Variants in RBFOX1 observed in about 807,000 individuals in gnomAD.
RBFOX1 encodes RNA binding fox-1 homolog 1, also known as RNA binding protein fox-1 homolog 1.
Under a neutral mutation model 57.7 loss-of-function variants are expected in RBFOX1, and 8 were observed. The ratio of observed to expected loss-of-function variants is 0.14; its 90% CI spans 0.08 to 0.25. The LOEUF (loss-of-function observed/expected upper bound fraction) is 0.25. Ranked by LOEUF, RBFOX1 falls within the 10% of genes least tolerant of loss-of-function variation. The pLI is 1.00. For missense variants in RBFOX1, 611 were observed against 548.5 expected (o/e 1.11, Z -1.14); for synonymous variants, 326 against 222.4 (o/e 1.47, Z -4.15).
chr16:7,326,487 C>T (rs76416533), intron 4 of RBFOX1, among the ~76,000 whole-genome samples: 4 of 151,968 alleles, frequency 2.6e-5, no homozygotes, highest in Non-Finnish European at 5.9e-5. Context: ...ACAGAGCTGC[C>T]ATGATGAGCA....
intron 2 of RBFOX1, among the ~76,000 whole-genome samples, chr16:6,593,975 C>T (rs1262378562): frequency 2.6e-5 from 4 of 152,150 alleles, no homozygotes; most frequent in African/African-American, 7.2e-5. Flanking sequence ...TAGTCATGCA[C>T]GTGGAAGATT....
intron 4 of RBFOX1, among the ~76,000 whole-genome samples, chr16:7,488,027 G>A (rs1165523984): frequency 2.0e-5 from 3 of 152,158 alleles, no homozygotes; most frequent in Admixed American, 6.5e-5. Flanking sequence ...GTGAATGAAG[G>A]GGGCACCTCG....
At chr16:6,702,116 C>T (rs1177700118) in intron 3 of RBFOX1, among the ~76,000 whole-genome samples, 1 of 152,176 alleles carries the variant, frequency 6.6e-6, no homozygotes, top group Non-Finnish European at 1.5e-5. Context: ...AAAAATTAGA[C>T]CTCGTGGTAA....
intron 1 of RBFOX1, among the ~76,000 whole-genome samples, chr16:6,152,133 T>C (rs1444241638): frequency 6.6e-6 from 1 of 152,220 alleles, no homozygotes; most frequent in Non-Finnish European, 1.5e-5. Context: ...GCTGATGGAA[T>C]ACACTAATAA....
intron 4 of RBFOX1, among the ~76,000 whole-genome samples, chr16:7,068,414 G>T (rs2065305725): frequency 1.3e-5 from 2 of 152,094 alleles, no homozygotes; most frequent in African/African-American, 4.8e-5. Flanking sequence ...ACCATCCAAG[G>T]TAGCCCAGGG....
chr16:6,088,892 C>A (rs565633559), intron 1 of RBFOX1, among the ~76,000 whole-genome samples: 1 of 151,892 alleles, frequency 6.6e-6, no homozygotes, highest in African/African-American at 2.4e-5. Flanking sequence ...GTCAGGAGAT[C>A]AATACCATCC....
chr16:7,137,316 T>A (rs2072306484), intron 4 of RBFOX1, among the ~76,000 whole-genome samples: 1 of 152,134 alleles, frequency 6.6e-6, no homozygotes, highest in South Asian at 2.1e-4. Context: ...CATCTTGAAC[T>A]GTAGCTCCTG....
At chr16:5,800,701 A>G (rs1023011560) in intron 3 of RBFOX1, among the ~76,000 whole-genome samples, 5 of 152,168 alleles carry the variant, frequency 3.3e-5, no homozygotes, top group African/African-American at 1.2e-4. Flanking sequence ...TTGTCCCTGC[A>G]GTCATTATTA....
At chr16:7,031,843 G>C (rs2042881482) in intron 3 of RBFOX1, among the ~76,000 whole-genome samples, 1 of 152,098 alleles carries the variant, frequency 6.6e-6, no homozygotes, top group African/African-American at 2.4e-5. Flanking sequence ...GTCCTTGCTG[G>C]CCTGCTGGAC....
chr16:5,819,185 G>C (rs1230948091), intron 3 of RBFOX1, among the ~76,000 whole-genome samples: 1 of 152,174 alleles, frequency 6.6e-6, no homozygotes, highest in Non-Finnish European at 1.5e-5. Flanking sequence ...CAAGGTGTCA[G>C]CAGCTTCAGT....
intron 1 of RBFOX1, among the ~76,000 whole-genome samples, chr16:5,272,862 G>C (rs1369874736): frequency 6.6e-6 from 1 of 152,194 alleles, no homozygotes; most frequent in Non-Finnish European, 1.5e-5. Flanking sequence ...AAAGTATGTA[G>C]TTGAGCTGAC....
intron 3 of RBFOX1, among the ~76,000 whole-genome samples, chr16:6,774,397 T>C (rs759951294): frequency 2.1e-4 from 32 of 152,174 alleles, no homozygotes; most frequent in Non-Finnish European, 3.8e-4. Flanking sequence ...ATTGTGGTTA[T>C]GATCACAATT....
At chr16:7,149,374 T>C (rs1038518947) in intron 4 of RBFOX1, among the ~76,000 whole-genome samples, 1 of 152,130 alleles carries the variant, frequency 6.6e-6, no homozygotes, top group Non-Finnish European at 1.5e-5. Flanking sequence ...AGTACATCCA[T>C]TGATCCCCCA....
chr16:5,901,757 G>A (rs1262459150), intron 4 of RBFOX1, among the ~76,000 whole-genome samples: 1 of 152,176 alleles, frequency 6.6e-6, no homozygotes, highest in Non-Finnish European at 1.5e-5. Context: ...GGGCAGTGAT[G>A]TTTCACACAT....
chr16:6,726,778 A>C (rs1203881598), intron 3 of RBFOX1, among the ~76,000 whole-genome samples: 1 of 151,756 alleles, frequency 6.6e-6, no homozygotes, highest in East Asian at 1.9e-4. Flanking sequence ...AACTTACGTA[A>C]TTGCTATGTT....
At chr16:5,936,537 A>G (rs969383047) in intron 4 of RBFOX1, among the ~76,000 whole-genome samples, 1 of 152,206 alleles carries the variant, frequency 6.6e-6, no homozygotes, top group Non-Finnish European at 1.5e-5. Flanking sequence ...GCCCATGTCA[A>G]GGAGACTGAT....
intron 3 of RBFOX1, among the ~76,000 whole-genome samples, chr16:5,616,908 A>G (rs928246008): frequency 3.2e-5 from 2 of 62,314 alleles, no homozygotes; most frequent in African/African-American, 1.4e-4. Flanking sequence ...CTCTTTTTCC[A>G]CCCCCTCACT....
chr16:7,142,276 A>G (rs1439617923), intron 4 of RBFOX1, among the ~76,000 whole-genome samples: 1 of 152,126 alleles, frequency 6.6e-6, no homozygotes, highest in Non-Finnish European at 1.5e-5. Context: ...TTCCCACCTC[A>G]GCCTTCCAAA....
At chr16:7,088,981 A>C (rs533503404) in intron 4 of RBFOX1, among the ~76,000 whole-genome samples, 1 of 152,294 alleles carries the variant, frequency 6.6e-6, no homozygotes, top group South Asian at 2.1e-4. Context: ...TAAAGGAAGA[A>C]GGCCTTTTTG....
Sources: gnomAD v4.1 joint callset for allele counts (sites outside exome capture counted in the v4.1 genomes callset) on GRCh38, gnomAD v4.1.1 for gene constraint, MANE v1.5 for transcripts, NCBI Gene and HGNC (gene_info 2026-07-23, HGNC 2026-07-21) for gene names.